Variants in CYP19A1 observed in about 807,000 individuals in gnomAD.
CYP19A1 encodes the protein aromatase.
CYP19A1 carries 32 observed loss-of-function variants against 44.4 expected under a neutral mutation model. The observed-to-expected ratio is 0.72, with a 90% CI of 0.54 to 0.97. CYP19A1 has a LOEUF of 0.97. CYP19A1 is among the 50% of genes least tolerant of loss of function. The pLI, the probability that CYP19A1 is intolerant of heterozygous loss-of-function variation, is 0.00. For missense variants in CYP19A1, 598 were observed against 637.8 expected (o/e 0.94, Z 0.67); for synonymous variants, 212 against 215.6 (o/e 0.98, Z 0.14).
At chr15:51,213,661 TCTTTGCAG>T (rs2031260411) in intron 8 of CYP19A1, among the ~76,000 whole-genome samples, 2 of 152,218 alleles carry the variant, frequency 1.3e-5, no homozygotes, top group Admixed American at 1.3e-4. Flanking sequence ...TGCTTTTCCA[TCTTTGCAG>T]AGGCCTTTTG....
intron 1 of CYP19A1, among the ~76,000 whole-genome samples, chr15:51,246,369 C>T (rs952483970): frequency 2.6e-5 from 4 of 152,224 alleles, no homozygotes; most frequent in Non-Finnish European, 2.9e-5. Context: ...TTTCTTGGGT[C>T]GCACCATTGT....
At chr15:51,234,269 A>T (rs1428828179) in intron 3 of CYP19A1, among the ~76,000 whole-genome samples, 1 of 152,172 alleles carries the variant, frequency 6.6e-6, no homozygotes, top group Non-Finnish European at 1.5e-5. Context: ...GCTCTGAGGC[A>T]ATTAAAGAGA....
intron 3 of CYP19A1, among the ~76,000 whole-genome samples, chr15:51,235,003 C>T (rs991446339): frequency 6.6e-6 from 1 of 152,022 alleles, no homozygotes; most frequent in African/African-American, 2.4e-5. Flanking sequence ...AGACCCTGGG[C>T]TGGGGAGAGC....
chr15:51,212,524 T>TA lies in CYP19A1; in HGVS notation c.1058dup (p.Leu353PhefsTer10), dbSNP rs769461019. Reference sequence around the variant, plus strand: ...CATAAATGAAGTTTTCCATCACTTTTAATTTTTGTATATCATCAATCTTTA... The same window carrying TA: ...CATAAATGAAGTTTTCCATCACTTTTAAATTTTTGTATATCATCAATCTTTA... On this transcript the variant is annotated frameshift_variant, in exon 9 of 10. Coordinates refer to ENST00000396402, the MANE Select transcript of CYP19A1 (RefSeq NM_000103.4). LOFTEE classifies it high-confidence loss of function. 2.6e-6 allele frequency: 4 copies of TA among 1,517,882 alleles called. No individual in the cohort carries two copies. The highest frequency in any genetic ancestry group is 3.7e-6 in the Non-Finnish European group (4 of 1,092,138). 94.0% of individuals were successfully genotyped at this position (1,517,882 alleles called of 1,614,324 possible). A position where few individuals can be genotyped will look rare whatever the true frequency, so the allele number is the denominator to read the frequency against.
At chr15:51,263,211 C>T (rs776518318) in intron 1 of CYP19A1, among the ~76,000 whole-genome samples, 13 of 152,146 alleles carry the variant, frequency 8.5e-5, no homozygotes, top group Non-Finnish European at 1.9e-4. Flanking sequence ...CCTATTTTAT[C>T]ACTGAAGCGG....
At chr15:51,213,345 C>T (rs895025480) in intron 8 of CYP19A1, among the ~76,000 whole-genome samples, 3 of 152,202 alleles carry the variant, frequency 2.0e-5, no homozygotes, top group African/African-American at 7.2e-5. Context: ...TATTCCCAGA[C>T]ATGGTAAAGC....
chr15:51,300,818 A>T (rs577896446), intron 1 of CYP19A1, among the ~76,000 whole-genome samples: 1 of 152,246 alleles, frequency 6.6e-6, no homozygotes, highest in Non-Finnish European at 1.5e-5. Context: ...GTTTAAAAAT[A>T]TATGGTAATG....
At chr15:51,277,722 A>G (rs1169876507) in intron 1 of CYP19A1, among the ~76,000 whole-genome samples, 1 of 152,168 alleles carries the variant, frequency 6.6e-6, no homozygotes, top group Non-Finnish European at 1.5e-5. Flanking sequence ...ATGAAAACCT[A>G]CAGAAATAAA....
At chr15:51,264,549 C>A (rs146478170) in intron 1 of CYP19A1, among the ~76,000 whole-genome samples, 12 of 152,228 alleles carry the variant, frequency 7.9e-5, no homozygotes, top group African/African-American at 2.4e-4. Flanking sequence ...GACACTAACA[C>A]CAGCTCCCAG....
At chr15:51,223,807 T>C (rs1033221242) in intron 4 of CYP19A1, among the ~76,000 whole-genome samples, 5 of 152,056 alleles carry the variant, frequency 3.3e-5, no homozygotes, top group African/African-American at 4.8e-5. Flanking sequence ...AAGGCCAGGA[T>C]GTTGTTCTCT....
intron 4 of CYP19A1, among the ~76,000 whole-genome samples, chr15:51,226,324 C>A (rs572272873): frequency 6.6e-6 from 1 of 152,318 alleles, no homozygotes; most frequent in East Asian, 1.9e-4. Context: ...CAGAAAGGCA[C>A]ATAGCCTTGC....
At chr15:51,213,659 C>T (rs2031259573) in intron 8 of CYP19A1, among the ~76,000 whole-genome samples, 1 of 152,210 alleles carries the variant, frequency 6.6e-6, no homozygotes, top group African/African-American at 2.4e-5. Context: ...GCTGCTTTTC[C>T]ATCTTTGCAG....
At position 51,227,766 on chromosome 15, in the gene CYP19A1, A is replaced by C; in HGVS notation, c.451+13T>G. The stretch of plus-strand genomic sequence containing the variant: ...AGACAAAAAAGATTGTAGCTAACTA[A>C]GTACCTGCTTACCTTTCATAAAGAA... On this transcript the variant is annotated intron_variant, in intron 4 of 9. Transcript: ENST00000396402. 1 of 1,293,064 alleles carries C rather than the reference A, an allele frequency of 7.7e-7. No homozygotes were observed. The highest frequency in any genetic ancestry group is 1.7e-5 in the Admixed American group (1 of 59,600). 80.1% of individuals were successfully genotyped at this position (1,293,064 alleles called of 1,614,324 possible).
At chr15:51,228,982 T>C (rs1451323472) in intron 3 of CYP19A1, among the ~76,000 whole-genome samples, 1 of 152,192 alleles carries the variant, frequency 6.6e-6, no homozygotes. Flanking sequence ...CATCTCCTAG[T>C]TGACACTTGG....
At chr15:51,265,651 C>T (rs748388809) in intron 1 of CYP19A1, among the ~76,000 whole-genome samples, 4 of 152,120 alleles carry the variant, frequency 2.6e-5, no homozygotes, top group South Asian at 2.1e-4. Flanking sequence ...CATTTGCTTT[C>T]GTTGTCTTTA....
intron 1 of CYP19A1, among the ~76,000 whole-genome samples, chr15:51,264,056 C>A (rs971260308): frequency 6.6e-6 from 1 of 151,932 alleles, no homozygotes; most frequent in African/African-American, 2.4e-5. Flanking sequence ...GAGCTAGATA[C>A]AAAAGAAAAT....
intron 1 of CYP19A1, among the ~76,000 whole-genome samples, chr15:51,284,224 A>G (rs1267945221): frequency 1.3e-5 from 2 of 152,240 alleles, no homozygotes; most frequent in Non-Finnish European, 2.9e-5. Context: ...AAGGCTGTAT[A>G]TTGGGTTAAT....
chr15:51,301,551 C>T (rs1486239012), intron 1 of CYP19A1, among the ~76,000 whole-genome samples: 1 of 152,196 alleles, frequency 6.6e-6, no homozygotes, highest in Admixed American at 6.5e-5. Flanking sequence ...GCATACTGAC[C>T]CCTATTTGGG....
intron 8 of CYP19A1, among the ~76,000 whole-genome samples, chr15:51,213,032 G>A (rs895002573): frequency 5.3e-5 from 8 of 152,036 alleles, no homozygotes; most frequent in East Asian, 3.9e-4. Flanking sequence ...CTTCACTTAC[G>A]AGCAAACTGG....
Sources: gnomAD v4.1 joint callset for allele counts (sites outside exome capture counted in the v4.1 genomes callset) on GRCh38, gnomAD v4.1.1 for gene constraint, MANE v1.5 for transcripts, NCBI Gene and HGNC (gene_info 2026-07-23, HGNC 2026-07-21) for gene names.